The following TRPC6 variants were observed in gnomAD, a reference collection of about 807,000 sequenced individuals.
TRPC6 encodes the protein short transient receptor potential channel 6.
TRPC6 carries 55 observed loss-of-function variants against 90.7 expected under a neutral mutation model. That is an observed-to-expected ratio of 0.61 (90% CI 0.49 to 0.76). TRPC6 has a LOEUF of 0.76. TRPC6 is among the 30% of genes least tolerant of loss of function. The probability of loss-of-function intolerance (pLI) is 0.00; values close to 1 mark genes in which losing one functional copy is unlikely to be tolerated. For synonymous variants in TRPC6, 393 were observed against 393.0 expected (o/e 1.00, Z 0.00); for missense variants, 989 against 1,122.7 (o/e 0.88, Z 1.70).
intron 1 of TRPC6, among the ~76,000 whole-genome samples, chr11:101,527,978 C>T (rs568696144): frequency 8.3e-4 from 127 of 152,146 alleles, no homozygotes; most frequent in African/African-American, 3.0e-3. Context: ...GAGGCTGAGG[C>T]AGGAGAATCG....
rs191551252 is a variant in TRPC6 at position 101,470,740 on chromosome 11, C to A, written c.2409+443G>T. Among the ~76,000 whole-genome samples, 218 of 151,294 alleles carry A rather than the reference C, an allele frequency of 1.4e-3. 1 individual carries two copies. The highest frequency in any genetic ancestry group is 5.7e-3 in the South Asian group (27 of 4,768). ...ATTGCCAAGCCTGGTCTCCCAAATTCTATGTGAGCAACTGATTTCTGAACT... is the reference window on the plus strand; with the variant it reads ...ATTGCCAAGCCTGGTCTCCCAAATTATATGTGAGCAACTGATTTCTGAACT... On this transcript the variant is annotated intron_variant, in intron 9 of 12. Transcript: ENST00000344327.
chr11:101,549,772 A>T (rs1861410840), intron 1 of TRPC6, among the ~76,000 whole-genome samples: 2 of 151,570 alleles, frequency 1.3e-5, no homozygotes, highest in South Asian at 4.1e-4. Context: ...ATTGAGAAAG[A>T]ACTATTATGG....
At position 101,496,119 on chromosome 11, in the gene TRPC6, AC is replaced by A. The variant is rs1859943590; in HGVS notation, c.946-4382del. Among the ~76,000 whole-genome samples the A allele has an allele frequency of 2.0e-5, 3 of 152,196 alleles. No homozygotes were observed. In the South Asian group the frequency reaches 6.2e-4, roughly 32 times the overall value. Reference sequence around the variant, plus strand: ...GAGAGAGTGAAGGGAGAAGTGCCACACAGTTTTAAACCATCAAATCTCATGA... The same window carrying A: ...GAGAGAGTGAAGGGAGAAGTGCCACAAGTTTTAAACCATCAAATCTCATGA... On this transcript the variant is annotated intron_variant, in intron 2 of 12. Transcript: ENST00000344327.
At chr11:101,524,192 T>C (rs1755605343) in intron 1 of TRPC6, among the ~76,000 whole-genome samples, 1 of 152,248 alleles carries the variant, frequency 6.6e-6, no homozygotes, top group Non-Finnish European at 1.5e-5. Flanking sequence ...TCAAGGTCCC[T>C]TAAGTGAATT....
In TRPC6 at chr11:101,476,499, G is replaced by A; in HGVS notation, c.1546C>T (p.Gln516Ter). The change falls in exon 6 of 13, where the codon CAG becomes TAG. Residue 516 changes from glutamine (Q) to a stop codon, truncating the protein, a stop_gained. Coordinates refer to ENST00000344327, the MANE Select transcript of TRPC6 (RefSeq NM_004621.6). LOFTEE classifies it high-confidence loss of function. ...IWAECKEIWT[Q>*]GPKEYLFELW... ...TCAAACAAATATTCCTTGGGGCCCT[G>A]AGTCCAGATTTCTTTACATTCAGCC... 1 of 1,614,060 alleles carries A rather than the reference G, an allele frequency of 6.2e-7. No individual in the cohort carries two copies. Among genetic ancestry groups the A allele is most frequent in the Non-Finnish European group, 8.5e-7 (1 of 1,179,982 alleles).
intron 10 of TRPC6, among the ~76,000 whole-genome samples, chr11:101,464,900 A>T (rs1040468420): frequency 2.6e-5 from 4 of 152,064 alleles, no homozygotes; most frequent in Non-Finnish European, 5.9e-5. Flanking sequence ...TGGTCTTTAC[A>T]ATTTGGTATG....
At chr11:101,475,513 T>A (rs1364525272) in intron 6 of TRPC6, among the ~76,000 whole-genome samples, 1 of 152,068 alleles carries the variant, frequency 6.6e-6, no homozygotes, top group African/African-American at 2.4e-5. Context: ...ATATCTCCCT[T>A]ATTATAAGCT....
intron 1 of TRPC6, among the ~76,000 whole-genome samples, chr11:101,543,660 T>C (rs80257287): frequency 0.024 from 3,605 of 152,070 alleles, 79 homozygotes; most frequent in African/African-American, 0.051. Flanking sequence ...ATAAATGGTG[T>C]TGGGAAAACT....
chr11:101,477,187 C>T (rs897021131), intron 5 of TRPC6, among the ~76,000 whole-genome samples: 1 of 150,732 alleles, frequency 6.6e-6, no homozygotes. Flanking sequence ...GTGTAAAGAT[C>T]TAGGATGCTT....
chr11:101,556,729 A>G (rs1343917266), intron 1 of TRPC6, among the ~76,000 whole-genome samples: 1 of 152,176 alleles, frequency 6.6e-6, no homozygotes, highest in Non-Finnish European at 1.5e-5. Context: ...CCCTGATACC[A>G]AAGCCAGATG....
intron 1 of TRPC6, among the ~76,000 whole-genome samples, chr11:101,507,953 C>A (rs746550817): frequency 6.6e-6 from 1 of 151,824 alleles, no homozygotes; most frequent in Non-Finnish European, 1.5e-5. Context: ...ATTTTCTTAT[C>A]TTTTCTATTT....
intron 1 of TRPC6, among the ~76,000 whole-genome samples, chr11:101,512,203 T>C (rs1860409871): frequency 6.6e-6 from 1 of 152,106 alleles, no homozygotes. Context: ...TTCTCATTTC[T>C]TCAAATACTA....
chr11:101,581,136 C>T (rs1330696496), intron 1 of TRPC6, among the ~76,000 whole-genome samples: 2 of 152,184 alleles, frequency 1.3e-5, no homozygotes, highest in Non-Finnish European at 2.9e-5. Context: ...TCTGACATCA[C>T]GCAGAGGGTG....
intron 10 of TRPC6, among the ~76,000 whole-genome samples, chr11:101,465,925 T>A (rs1859133477): frequency 6.6e-6 from 1 of 152,216 alleles, no homozygotes; most frequent in Admixed American, 6.5e-5. Context: ...ATCTTGTTTC[T>A]CACCATCTTT....
At chr11:101,570,327 A>T (rs960474711) in intron 1 of TRPC6, among the ~76,000 whole-genome samples, 1 of 152,258 alleles carries the variant, frequency 6.6e-6, no homozygotes, top group Admixed American at 6.5e-5. Context: ...ATCCAGGTAG[A>T]GGTCAAATCC....
At chr11:101,582,319 C>A (rs1862215191) in intron 1 of TRPC6, among the ~76,000 whole-genome samples, 1 of 152,094 alleles carries the variant, frequency 6.6e-6, no homozygotes, top group South Asian at 2.1e-4. Flanking sequence ...GTCTGCCAGG[C>A]GCCTATGGGG....
chr11:101,545,042 T>C (rs984288882), intron 1 of TRPC6, among the ~76,000 whole-genome samples: 1 of 152,260 alleles, frequency 6.6e-6, no homozygotes, highest in East Asian at 1.9e-4. Flanking sequence ...CCTTTAAGTA[T>C]GAGACTCCTA....
At chr11:101,551,793 G>C (rs1163526034) in intron 1 of TRPC6, among the ~76,000 whole-genome samples, 1 of 152,048 alleles carries the variant, frequency 6.6e-6, no homozygotes, top group African/African-American at 2.4e-5. Flanking sequence ...CAAACAAACA[G>C]CATTGGAAGA....
At chr11:101,482,103 A>G (rs1265110685) in intron 5 of TRPC6, among the ~76,000 whole-genome samples, 1 of 152,142 alleles carries the variant, frequency 6.6e-6, no homozygotes, top group Non-Finnish European at 1.5e-5. Flanking sequence ...CAATCTGTGT[A>G]TGTTCATAAT....
Sources: allele counts gnomAD v4.1 joint callset (sites outside exome capture counted in the v4.1 genomes callset), GRCh38; gene constraint gnomAD v4.1.1; transcripts MANE v1.5; gene names NCBI Gene and HGNC (gene_info 2026-07-23, HGNC 2026-07-21).